NCOA1: variants seen among roughly 807,000 people sequenced by gnomAD.
NCOA1 encodes the protein Hin-2 protein.
NCOA1 carries 35 observed loss-of-function variants against 150.9 expected under a neutral mutation model. That is an observed-to-expected ratio of 0.23 (90% CI 0.18 to 0.31). The LOEUF is 0.31. Ranked by LOEUF, NCOA1 falls within the 10% of genes least tolerant of loss-of-function variation. NCOA1 has a pLI of 1.00. For synonymous variants in NCOA1, 590 were observed against 630.0 expected, an observed-to-expected ratio of 0.94 and a Z score of 0.95; for missense variants, 1,491 against 1,749.3, an observed-to-expected ratio of 0.85 and a Z score of 2.63.
intron 1 of NCOA1, among the ~76,000 whole-genome samples, chr2:24,557,689 C>T (rs1412451736): frequency 1.3e-5 from 2 of 151,956 alleles, no homozygotes; most frequent in East Asian, 1.9e-4. Context: ...CCTTTATTGT[C>T]GAAAAGTATT....
chr2:24,713,078 A>G (rs550602901), intron 14 of NCOA1, among the ~76,000 whole-genome samples: 21 of 152,170 alleles, frequency 1.4e-4, no homozygotes, highest in African/African-American at 5.1e-4. Context: ...AAAATATACA[A>G]AAATTAGCTG....
chr2:24,546,350 C>T (rs1005146103), intron 1 of NCOA1, among the ~76,000 whole-genome samples: 1 of 152,144 alleles, frequency 6.6e-6, no homozygotes, highest in Non-Finnish European at 1.5e-5. Flanking sequence ...ATCTTAGTCT[C>T]CTCTGACATG....
chr2:24,694,290 A>G (rs1227507789), intron 10 of NCOA1, among the ~76,000 whole-genome samples: 2 of 152,196 alleles, frequency 1.3e-5, no homozygotes, highest in Non-Finnish European at 2.9e-5. Flanking sequence ...TTGTATGTTC[A>G]TGCTTTTACG....
chr2:24,743,392 T>C (rs1227752671), intron 19 of NCOA1, among the ~76,000 whole-genome samples: 2 of 152,208 alleles, frequency 1.3e-5, no homozygotes, highest in Non-Finnish European at 2.9e-5. Flanking sequence ...TCAAATTAAG[T>C]ATCTAAAGAC....
intron 1 of NCOA1, among the ~76,000 whole-genome samples, chr2:24,535,334 C>T (rs1665086341): frequency 1.3e-5 from 2 of 151,966 alleles, no homozygotes; most frequent in South Asian, 4.2e-4. Context: ...TATTTTGAGC[C>T]TATGTGTGTC....
Position 24,614,199 on chromosome 2 carries a change from C to CTTTTTTTTTTTTTTTTTTTTTT in NCOA1, c.-175+29650_-175+29671dup. On this transcript the variant is annotated intron_variant, in intron 3 of 22. Transcript: ENST00000348332. Reference sequence around the variant, plus strand: ...CCTATTGTATCGATTCATTTCCATTCTTTTTTTTTTTTTTTTTTTTTTTTT... The same window carrying CTTTTTTTTTTTTTTTTTTTTTT: ...CCTATTGTATCGATTCATTTCCATTCTTTTTTTTTTTTTTTTTTTTTTTTTTTTTTTTTTTTTTTTTTTTTTT... 5.0e-3 allele frequency among the ~76,000 whole-genome samples: 46 copies of CTTTTTTTTTTTTTTTTTTTTTT among 9,174 alleles called. 18 individuals are homozygous for CTTTTTTTTTTTTTTTTTTTTTT. The highest frequency in any genetic ancestry group is 7.4e-3 in the Admixed American group (4 of 544). The allele number at this position is 9,174 out of a possible 152,430, so 6.0% of individuals were successfully genotyped here.
chr2:24,562,922 G>T (rs1464730096), intron 1 of NCOA1, among the ~76,000 whole-genome samples: 1 of 152,132 alleles, frequency 6.6e-6, no homozygotes, highest in East Asian at 1.9e-4. Flanking sequence ...GAAGAAGAGG[G>T]TTATACAGCC....
At position 24,683,548 on chromosome 2, in the gene NCOA1, C is replaced by T. The variant is rs56196705; in HGVS notation, c.532+420C>T. On this transcript the variant is annotated intron_variant, in intron 8 of 22. Transcript: ENST00000348332. ...CTTAAGTGCTTTAACTGAGGAATTC[C>T]AAGTATGGTTGGATGGGCTATTCGC... is the stretch of plus-strand genomic sequence containing the variant. Among the ~76,000 whole-genome samples the T allele has an allele frequency of 6.3e-3, 964 of 152,168 alleles. 13 individuals carry two copies. Among genetic ancestry groups the T allele is most frequent in the African/African-American group, 0.021 (885 of 41,522 alleles).
rs772970404 is a variant in NCOA1 at position 24,768,516 on chromosome 2, CAAAAAAAAAAAAA to C, written c.*138_*150del. On this transcript the variant is annotated 3_prime_UTR_variant, in exon 23 of 23. Transcript: ENST00000348332. ...ATTCTTCAGGTCGTAGCATTTGGAG[CAAAAAAAAAAAAA>C]AAAAAAAAAAAAGGAGTTTGCTTTT... 26 of 55,194 alleles carry C rather than the reference CAAAAAAAAAAAAA, an allele frequency of 4.7e-4. 2 individuals carry two copies. The highest frequency in any genetic ancestry group is 6.3e-4 in the Non-Finnish European group (18 of 28,586). 3.4% of individuals were successfully genotyped at this position (55,194 alleles called of 1,614,324 possible).
At chr2:24,752,264 A>T (rs951878718) in intron 20 of NCOA1, 108 bp downstream of exon 20, 19 of 1,295,508 alleles carry the variant, frequency 1.5e-5, no homozygotes, top group Middle Eastern at 2.7e-4. Context: ...AAAGTGAAAG[A>T]AGGCCGGACA....
chr2:24,592,578 A>ATTTTTTTTT (rs145333073), intron 3 of NCOA1, among the ~76,000 whole-genome samples: 44 of 103,406 alleles, frequency 4.3e-4, no homozygotes, highest in Admixed American at 6.6e-4. Flanking sequence ...TCCCCTCCTA[A>ATTTTTTTTT]TTTTTTTTTT....
Position 24,758,163 on chromosome 2 carries a change from GGCACACTCGCC to G in NCOA1, c.4065+8_4065+18del. 6.2e-7 allele frequency: 1 copy of G among 1,603,586 alleles called. No homozygotes were observed. The highest frequency in any genetic ancestry group is 8.5e-7 in the Non-Finnish European group (1 of 1,172,248). On this transcript the variant is annotated splice_region_variant and intron_variant, in intron 21 of 22. Transcript: ENST00000348332. ...CACTGTGTGCCCTGAGCAGGTAAGT[GGCACACTCGCC>G]ACACACATGCCACACCACATCACAG...
At chr2:24,506,832 T>G (rs1041932847) in intron 1 of NCOA1, among the ~76,000 whole-genome samples, 2 of 152,148 alleles carry the variant, frequency 1.3e-5, no homozygotes, top group Non-Finnish European at 2.9e-5. Context: ...AAAGAATCAG[T>G]TTTTACTTGG....
intron 1 of NCOA1, among the ~76,000 whole-genome samples, chr2:24,494,283 T>C (rs758586168): frequency 1.3e-5 from 2 of 152,244 alleles, no homozygotes; most frequent in South Asian, 4.1e-4. Context: ...TTTTCAAGGA[T>C]GTTTTAGTTC....
intron 3 of NCOA1, among the ~76,000 whole-genome samples, chr2:24,608,612 A>G (rs577573478): frequency 1.4e-4 from 21 of 151,780 alleles, no homozygotes; most frequent in Admixed American, 7.9e-4. Flanking sequence ...ACATTTGTCA[A>G]AACTAAGAGA....
chr2:24,703,870 A>G (rs867963114), intron 11 of NCOA1, among the ~76,000 whole-genome samples: 4 of 152,332 alleles, frequency 2.6e-5, no homozygotes, highest in Middle Eastern at 6.8e-3. Context: ...AAATTGGACT[A>G]ACATTTTATC....
At chr2:24,625,785 T>C (rs1387199986) in intron 3 of NCOA1, among the ~76,000 whole-genome samples, 2 of 151,598 alleles carry the variant, frequency 1.3e-5, no homozygotes, top group Admixed American at 6.6e-5. Context: ...TATTTAGAAG[T>C]GTGTTGGTTT....
At position 24,691,552 on chromosome 2, in the gene NCOA1, C is replaced by A; in HGVS notation, c.604C>A (p.His202Asn). 1 of 1,614,146 alleles carries A rather than the reference C, an allele frequency of 6.2e-7. No individual in the cohort carries two copies. The highest frequency in any genetic ancestry group is 8.5e-7 in the Non-Finnish European group (1 of 1,179,994). ...TACCTTTAACTGCAGGATGCTAATT[C>A]ACCCTCCAGATGAGCCAGGGACCGA... ...SHTFNCRMLI[H>N]PPDEPGTENQ... is the part of the protein sequence containing the mutation. Residue 202 changes from histidine (H) to asparagine (N), a missense_variant, in exon 9 of 23, where the codon CAC becomes AAC. Coordinates refer to ENST00000348332, the MANE Select transcript of NCOA1 (RefSeq NM_003743.5).
At chr2:24,665,711 T>C (rs1172336857) in intron 5 of NCOA1, 38 bp from the exon 6 acceptor site, 2 of 1,426,688 alleles carry the variant, frequency 1.4e-6, no homozygotes, top group Admixed American at 2.3e-5. Context: ...AATATGGTGA[T>C]ACAAATGTAC....
Sources: gnomAD v4.1 joint callset for allele counts (sites outside exome capture counted in the v4.1 genomes callset) on GRCh38, gnomAD v4.1.1 for gene constraint, MANE v1.5 for transcripts, NCBI Gene and HGNC (gene_info 2026-07-23, HGNC 2026-07-21) for gene names.